IPMK: variants seen among roughly 807,000 people sequenced by gnomAD.
The protein encoded by IPMK is inositol 1,3,4,6-tetrakisphosphate 5-kinase.
Under a neutral mutation model 45.8 loss-of-function variants are expected in IPMK, and 17 were observed. The observed-to-expected ratio is 0.37, with a 90% CI of 0.25 to 0.56. The LOEUF (loss-of-function observed/expected upper bound fraction) is 0.56. IPMK is among the 20% of genes least tolerant of loss of function. The pLI is 0.79. For synonymous variants in IPMK, 180 were observed against 184.3 expected, an observed-to-expected ratio of 0.98 and a Z score of 0.19; for missense variants, 399 against 498.0, an observed-to-expected ratio of 0.80 and a Z score of 1.89.
At chr10:58,221,540 CT>C (rs1838336264) in intron 3 of IPMK, among the ~76,000 whole-genome samples, 1 of 151,872 alleles carries the variant, frequency 6.6e-6, no homozygotes, top group South Asian at 2.1e-4. Context: ...ATATAATGAA[CT>C]AAAAATAAGA....
At chr10:58,234,968 T>C (rs202121349) in intron 2 of IPMK, among the ~76,000 whole-genome samples, 2 of 151,712 alleles carry the variant, frequency 1.3e-5, no homozygotes, top group East Asian at 1.9e-4. Context: ...ATAAATTTAC[T>C]AGAAAAAAAC....
chr10:58,208,986 G>T (rs1485615940), intron 4 of IPMK, among the ~76,000 whole-genome samples: 1 of 152,140 alleles, frequency 6.6e-6, no homozygotes, highest in Non-Finnish European at 1.5e-5. Context: ...CCAAGTCAGC[G>T]GGAAAACTAT....
At chr10:58,222,827 G>C (rs1321703942) in intron 3 of IPMK, among the ~76,000 whole-genome samples, 5 of 152,112 alleles carry the variant, frequency 3.3e-5, no homozygotes, top group African/African-American at 9.7e-5. Flanking sequence ...TTGTTTTCAT[G>C]CCCAAAATAT....
At chr10:58,222,260 TATG>T (rs766628273) in intron 3 of IPMK, among the ~76,000 whole-genome samples, 1 of 152,210 alleles carries the variant, frequency 6.6e-6, no homozygotes, top group Non-Finnish European at 1.5e-5. Context: ...GCTATATTAA[TATG>T]ATGATTGGAA....
rs182763969 is a variant in IPMK at position 58,220,673 on chromosome 10, C to T, written c.374-4356G>A. 4.6e-5 allele frequency among the ~76,000 whole-genome samples: 7 copies of T among 152,252 alleles called. No homozygotes were observed. In the East Asian group the frequency reaches 1.4e-3, roughly 29 times the overall value. ...AAATGCAGGTTACACATTCCCATAT[C>T]CCCTCCAAAATAAAATTTCATACAT... On this transcript the variant is annotated intron_variant, in intron 3 of 5. Transcript: ENST00000373935.
At chr10:58,265,205 T>C (rs1015015224) in intron 1 of IPMK, among the ~76,000 whole-genome samples, 5 of 152,218 alleles carry the variant, frequency 3.3e-5, no homozygotes, top group African/African-American at 1.2e-4. Flanking sequence ...CTTTGTTCTA[T>C]CAAGTTCCAT....
rs186224040 is a variant in IPMK, at chr10:58,238,521, A to C, written c.191-707T>G. Among the ~76,000 whole-genome samples the C allele has an allele frequency of 6.1e-3, 933 of 152,336 alleles. 6 individuals carry two copies. The highest frequency in any genetic ancestry group is 0.01 in the Non-Finnish European group (685 of 68,030). The stretch of plus-strand genomic sequence containing the variant: ...TTCCAAATTTATACGTCAAAATCTT[A>C]AATTTTGATGTGTTGGGATTTTATA... On this transcript the variant is annotated intron_variant, in intron 1 of 5. Transcript: ENST00000373935.
chr10:58,200,499 T>C lies in IPMK; in HGVS notation c.547-1178A>G, dbSNP rs561964302. On this transcript the variant is annotated intron_variant, in intron 4 of 5. Coordinates refer to ENST00000373935, the MANE Select transcript of IPMK (RefSeq NM_152230.5). ...ATAAATAAATAAGAGCCAAGAAAAG[T>C]TAAAATAAGATTAATAAGGTAGAAC... Among the ~76,000 whole-genome samples, 6 of 152,242 alleles carry C rather than the reference T, an allele frequency of 3.9e-5. No individual in the cohort carries two copies. The East Asian group carries it at 1.2e-3, about 29-fold the overall frequency.
chr10:58,227,003 A>G, intron 3 of IPMK, 40 bp downstream of exon 3: 1 of 1,398,210 alleles, frequency 7.2e-7, no homozygotes, highest in Non-Finnish European at 1.0e-6. Context: ...AGCTACACTC[A>G]TGAATTAAAA....
At chr10:58,197,326 A>AATAAATAAATACATACATACATACACAC (rs764500371) in intron 5 of IPMK, among the ~76,000 whole-genome samples, 1 of 146,430 alleles carries the variant, frequency 6.8e-6, no homozygotes. Context: ...TAAATAAATA[A>AATAAATAAATACATACATACATACACAC]ATACATAAAT....
Position 58,252,611 on chromosome 10 carries a change from C to CT in IPMK, c.191-14798dup, listed in dbSNP as rs113777957. On this transcript the variant is annotated intron_variant, in intron 1 of 5. Transcript: ENST00000373935. ...TACTTTTATCCAAGAGTTTTCTTTT[C>CT]TTTTTTTTTTTTTTTTTTTGAGATG... is the stretch of plus-strand genomic sequence containing the variant. Among the ~76,000 whole-genome samples the CT allele has an allele frequency of 6.4e-3, 709 of 111,210 alleles. 8 individuals are homozygous for CT. The highest frequency in any genetic ancestry group is 0.037 in the East Asian group (151 of 4,106). The allele number at this position is 111,210 out of a possible 152,430, so 73.0% of individuals were successfully genotyped here. A position where few individuals can be genotyped will look rare whatever the true frequency, so the allele number is the denominator to read the frequency against.
chr10:58,200,828 TG>T (rs902439107), intron 4 of IPMK, among the ~76,000 whole-genome samples: 6 of 152,190 alleles, frequency 3.9e-5, no homozygotes, highest in African/African-American at 1.4e-4. Context: ...AAATGTCAGT[TG>T]GTTCTTTTTG....
At chr10:58,225,844 G>T (rs932947302) in intron 3 of IPMK, among the ~76,000 whole-genome samples, 1 of 152,194 alleles carries the variant, frequency 6.6e-6, no homozygotes, top group Middle Eastern at 3.4e-3. Context: ...GGAAAAAAAA[G>T]GAAGGCATTA....
chr10:58,253,923 G>A (rs967410515), intron 1 of IPMK, among the ~76,000 whole-genome samples: 6 of 151,982 alleles, frequency 3.9e-5, no homozygotes, highest in African/African-American at 1.5e-4. Flanking sequence ...GGGCTCCATT[G>A]ACTGAGATAT....
chr10:58,194,499 T>C lies in IPMK; in HGVS notation c.*1577A>G, dbSNP rs1328588172. On this transcript the variant is annotated 3_prime_UTR_variant, in exon 6 of 6. Transcript: ENST00000373935. ...GATCTTTTAAATTATTCAGGTTTAA[T>C]AGATTTACTAAGGATAGAGTTCATA... 4 of 151,916 alleles carry C rather than the reference T, an allele frequency of 2.6e-5. No individual in the cohort carries two copies. The highest frequency in any genetic ancestry group is 3.9e-4 in the East Asian group (2 of 5,192). The allele number at this position is 151,916 out of a possible 1,614,324, so 9.4% of individuals were successfully genotyped here. A position where few individuals can be genotyped will look rare whatever the true frequency, so the allele number is the denominator to read the frequency against.
intron 1 of IPMK, among the ~76,000 whole-genome samples, chr10:58,259,447 A>C (rs1300549226): frequency 2.0e-5 from 3 of 148,122 alleles, no homozygotes; most frequent in African/African-American, 7.8e-5. Flanking sequence ...AATTTGAAAA[A>C]AATCCACCTT....
At chr10:58,197,959 GT>G (rs11304888) in intron 5 of IPMK, among the ~76,000 whole-genome samples, 51,440 of 152,000 alleles carry the variant, frequency 0.34, 10,944 homozygotes, top group African/African-American at 0.61. Flanking sequence ...AACCTGGGAG[GT>G]TAGAGGTTGC....
chr10:58,197,971 A>G (rs1837934212), intron 5 of IPMK, among the ~76,000 whole-genome samples: 1 of 152,158 alleles, frequency 6.6e-6, no homozygotes, highest in South Asian at 2.1e-4. Context: ...TAGAGGTTGC[A>G]GTGAGCCGAG....
In IPMK at chr10:58,199,249, T is replaced by C. The variant is rs368990067; in HGVS notation, c.619A>G (p.Ile207Val). 2.7e-5 allele frequency: 43 copies of C among 1,599,798 alleles called. No homozygotes were observed. Among genetic ancestry groups the C allele is most frequent in the Non-Finnish European group, 3.4e-5 (40 of 1,169,736 alleles). ...HYGRSLTKETIKDGVSRFFHN... is the reference protein window; with the variant it reads ...HYGRSLTKETVKDGVSRFFHN... ...GTTTTTTAGTCCTTACCATCCTTTA[T>C]AGTTTCTTTTGTTAAGCTTCTTCCG... Residue 207 changes from isoleucine (I) to valine (V), a missense_variant, in exon 5 of 6, where the codon ATA becomes GTA. Ile to Val is a conservative substitution (Grantham distance 29). Coordinates refer to ENST00000373935, the MANE Select transcript of IPMK (RefSeq NM_152230.5).
Sources: allele counts gnomAD v4.1 joint callset (sites outside exome capture counted in the v4.1 genomes callset), GRCh38; gene constraint gnomAD v4.1.1; transcripts MANE v1.5; gene names NCBI Gene and HGNC (gene_info 2026-07-23, HGNC 2026-07-21).